Variants in CFAP299 observed in about 807,000 individuals in gnomAD.
CFAP299 encodes cilia- and flagella-associated protein 299.
A neutral mutation model predicts 27.0 loss-of-function variants in CFAP299; 21 were observed. The ratio of observed to expected loss-of-function variants is 0.78; its 90% confidence interval spans 0.55 to 1.12. The LOEUF is 1.12. Ranked by LOEUF, CFAP299 falls within the 50% of genes most tolerant of loss-of-function variation. CFAP299 has a pLI of 0.00. For synonymous variants in CFAP299, 104 were observed against 98.1 expected, an observed-to-expected ratio of 1.06 and a Z score of -0.36; for missense variants, 310 against 276.6, an observed-to-expected ratio of 1.12 and a Z score of -0.86.
intron 2 of CFAP299, among the ~76,000 whole-genome samples, chr4:80,495,418 A>G (rs1481588499): frequency 6.6e-6 from 1 of 152,194 alleles, no homozygotes; most frequent in Non-Finnish European, 1.5e-5. Flanking sequence ...TAAAAAAAGA[A>G]TTATATGTAC....
intron 3 of CFAP299, among the ~76,000 whole-genome samples, chr4:80,809,809 C>T (rs1729051009): frequency 6.6e-6 from 1 of 152,010 alleles, no homozygotes; most frequent in African/African-American, 2.4e-5. Context: ...TAGCTGTATC[C>T]CTTCCTAAAA....
At chr4:80,910,246 T>A (rs1310028196) in intron 4 of CFAP299, among the ~76,000 whole-genome samples, 1 of 152,120 alleles carries the variant, frequency 6.6e-6, no homozygotes, top group Non-Finnish European at 1.5e-5. Context: ...TTTAAATTAG[T>A]TCAACCATTG....
chr4:80,358,096 C>T (rs1185050535), intron 1 of CFAP299, among the ~76,000 whole-genome samples: 1 of 152,104 alleles, frequency 6.6e-6, no homozygotes, highest in African/African-American at 2.4e-5. Context: ...TCATTATTTA[C>T]TGAAAAGTCA....
chr4:80,681,501 A>G (rs1719840590), intron 3 of CFAP299, among the ~76,000 whole-genome samples: 1 of 152,194 alleles, frequency 6.6e-6, no homozygotes, highest in African/African-American at 2.4e-5. Flanking sequence ...TGGGACTAAA[A>G]TGCTGGGAAC....
chr4:80,896,822 G>A (rs928903127), intron 4 of CFAP299, among the ~76,000 whole-genome samples: 1 of 152,000 alleles, frequency 6.6e-6, no homozygotes, highest in South Asian at 2.1e-4. Flanking sequence ...TATTCTAGAA[G>A]TGCTATAATA....
At chr4:80,874,909 T>C (rs1471449934) in intron 4 of CFAP299, among the ~76,000 whole-genome samples, 1 of 152,196 alleles carries the variant, frequency 6.6e-6, no homozygotes, top group Non-Finnish European at 1.5e-5. Flanking sequence ...TTCTGAAGAC[T>C]TCTCATAAAA....
intron 2 of CFAP299, among the ~76,000 whole-genome samples, chr4:80,496,871 T>G (rs1413890157): frequency 1.3e-5 from 2 of 151,392 alleles, no homozygotes; most frequent in Non-Finnish European, 2.9e-5. Context: ...AGAGGGGGAG[T>G]AGGCATATCA....
At chr4:80,873,716 A>G (rs146351019) in intron 4 of CFAP299, among the ~76,000 whole-genome samples, 106 of 152,334 alleles carry the variant, frequency 7.0e-4, no homozygotes, top group Admixed American at 2.6e-3. Context: ...TATCCCAAGG[A>G]CAACTGTACC....
chr4:80,926,710 TA>T (rs759538257), intron 4 of CFAP299, among the ~76,000 whole-genome samples: 5 of 152,058 alleles, frequency 3.3e-5, no homozygotes, highest in Admixed American at 3.3e-4. Flanking sequence ...TGTTTCACTA[TA>T]AAAAATGTCA....
intron 2 of CFAP299, among the ~76,000 whole-genome samples, chr4:80,572,507 G>GTCTTTTTTTTT (rs1735632495): frequency 2.7e-5 from 1 of 36,380 alleles, no homozygotes. Context: ...CTGGATCCCA[G>GTCTTTTTTTTT]TTTTTTTTTT....
chr4:80,462,281 C>G (rs954288774), intron 2 of CFAP299, among the ~76,000 whole-genome samples: 1 of 152,196 alleles, frequency 6.6e-6, no homozygotes, highest in African/African-American at 2.4e-5. Flanking sequence ...AAACCTCCCT[C>G]TACCTTTATA....
chr4:80,958,336 A>AT (rs1738171153), intron 5 of CFAP299, among the ~76,000 whole-genome samples: 2 of 152,198 alleles, frequency 1.3e-5, no homozygotes, highest in Non-Finnish European at 2.9e-5. Context: ...CAAACATGAC[A>AT]TTACGGGGAA....
At chr4:80,704,862 A>T (rs1721729640) in intron 3 of CFAP299, among the ~76,000 whole-genome samples, 1 of 151,794 alleles carries the variant, frequency 6.6e-6, no homozygotes, top group Non-Finnish European at 1.5e-5. Context: ...TATTATGTAA[A>T]TTGTCAATTT....
intron 4 of CFAP299, among the ~76,000 whole-genome samples, chr4:80,893,949 T>C (rs1179018104): frequency 6.6e-6 from 1 of 151,810 alleles, no homozygotes; most frequent in Non-Finnish European, 1.5e-5. Context: ...GAGAAAATAT[T>C]TGCAAACCAC....
chr4:80,940,857 T>C (rs2110227518), intron 4 of CFAP299, among the ~76,000 whole-genome samples: 2 of 152,298 alleles, frequency 1.3e-5, no homozygotes, highest in South Asian at 4.1e-4. Context: ...TCAATTATTT[T>C]AATTTGACAT....
intron 3 of CFAP299, among the ~76,000 whole-genome samples, chr4:80,789,010 A>T (rs907679665): frequency 2.6e-5 from 4 of 152,070 alleles, no homozygotes; most frequent in African/African-American, 9.7e-5. Context: ...TTGCCAAGTC[A>T]CTTGAGGGTT....
intron 3 of CFAP299, among the ~76,000 whole-genome samples, chr4:80,830,028 G>A (rs1730211552): frequency 3.9e-5 from 6 of 152,002 alleles, no homozygotes. Context: ...CAACATGAAT[G>A]TGTCCAATAC....
chr4:80,809,462 T>G (rs1845182), intron 3 of CFAP299, among the ~76,000 whole-genome samples: 17,174 of 152,150 alleles, frequency 0.11, 1,217 homozygotes, highest in Middle Eastern at 0.21. Context: ...CTTTGCATTC[T>G]GTGAAAGGCA....
chr4:80,447,119 GTTTTT>G (rs71641487), intron 2 of CFAP299, among the ~76,000 whole-genome samples: 1 of 65,508 alleles, frequency 1.5e-5, no homozygotes. Flanking sequence ...CTTTTTATTT[GTTTTT>G]TTTTTGTTTT....
Sources: gnomAD v4.1 joint callset for allele counts (sites outside exome capture counted in the v4.1 genomes callset) on GRCh38, gnomAD v4.1.1 for gene constraint, MANE v1.5 for transcripts, NCBI Gene and HGNC (gene_info 2026-07-23, HGNC 2026-07-21) for gene names.